The following PTBP2 variants were observed in gnomAD, a reference collection of about 807,000 sequenced individuals.
PTBP2 encodes polypyrimidine tract binding protein 2, also known as polypyrimidine tract-binding protein 2.
A neutral mutation model predicts 61.4 loss-of-function variants in PTBP2; 13 were observed. That is an observed-to-expected ratio of 0.21 (90% CI 0.14 to 0.34). The LOEUF (loss-of-function observed/expected upper bound fraction) is 0.34. Ranked by LOEUF, PTBP2 falls within the 10% of genes least tolerant of loss-of-function variation. PTBP2 has a pLI of 1.00. For missense variants in PTBP2, 405 were observed against 642.6 expected, an observed-to-expected ratio of 0.63 and a Z score of 4.00; for synonymous variants, 215 against 218.5, an observed-to-expected ratio of 0.98 and a Z score of 0.14.
intron 11 of PTBP2, among the ~76,000 whole-genome samples, chr1:96,811,712 G>A (rs1006412753): frequency 2.0e-5 from 3 of 152,108 alleles, no homozygotes; most frequent in Non-Finnish European, 4.4e-5. Context: ...CAACGCGCCC[G>A]GCATCTACTG....
chr1:96,817,069 T>A (rs1662514684), downstream of PTBP2: 1 of 152,204 alleles, frequency 6.6e-6, no homozygotes. Context: ...GATTTAGCTT[T>A]ATATTTTCTG....
chr1:96,741,080 C>A (rs893483507), intron 2 of PTBP2, among the ~76,000 whole-genome samples: 1 of 150,874 alleles, frequency 6.6e-6, no homozygotes, highest in Non-Finnish European at 1.5e-5. Context: ...CTTTGAAAAT[C>A]GGCATTGTTG....
intron 2 of PTBP2, among the ~76,000 whole-genome samples, chr1:96,750,871 A>G (rs897797139): frequency 6.6e-6 from 1 of 152,106 alleles, no homozygotes; most frequent in African/African-American, 2.4e-5. Context: ...CCTTTTCTGT[A>G]AAGAATTTTA....
rs752881027 is a variant in PTBP2, at chr1:96,770,723, G to A, written c.304G>A (p.Ala102Thr). The change falls in exon 5 of 14, where the codon GCA (alanine) becomes ACA (threonine). Residue 102 changes from alanine to threonine, a missense_variant. Ala to Thr is a moderately conservative substitution (Grantham distance 58, BLOSUM62 0). Transcript: ENST00000674951. The stretch of plus-strand genomic sequence containing the variant: ...AAATTTTCAGGCATTTTTGGAACTA[G>A]CAACCGAGGAAGCAGCTATTACTAT... ...KGKNQAFLEL[A>T]TEEAAITMVN... The A allele has an allele frequency of 1.4e-5, 23 of 1,611,046 alleles. No homozygotes were observed. Among genetic ancestry groups the A allele is most frequent in the Non-Finnish European group, 1.8e-5 (21 of 1,178,528 alleles).
chr1:96,750,709 A>T (rs1654435123), intron 2 of PTBP2, among the ~76,000 whole-genome samples: 1 of 152,112 alleles, frequency 6.6e-6, no homozygotes, highest in Non-Finnish European at 1.5e-5. Context: ...CCATGTATGT[A>T]AATATCCATA....
chr1:96,785,008 A>G, intron 7 of PTBP2, 51 bp from the exon 8 acceptor site: 1 of 1,340,670 alleles, frequency 7.5e-7, no homozygotes, highest in East Asian at 2.7e-5. Flanking sequence ...TACTTTCACT[A>G]ATTTTTATTT....
At chr1:96,774,437 A>C (rs1657786653) in intron 5 of PTBP2, among the ~76,000 whole-genome samples, 1 of 152,184 alleles carries the variant, frequency 6.6e-6, no homozygotes, top group Non-Finnish European at 1.5e-5. Context: ...AGCTAATGAT[A>C]ACCTTCCCTC....
At chr1:96,791,446 A>G (rs1199956522) in intron 8 of PTBP2, among the ~76,000 whole-genome samples, 1 of 152,190 alleles carries the variant, frequency 6.6e-6, no homozygotes, top group Non-Finnish European at 1.5e-5. Flanking sequence ...CGCTGCTTCT[A>G]AGTTTTTGGG....
intron 3 of PTBP2, among the ~76,000 whole-genome samples, chr1:96,758,915 A>G (rs914418909): frequency 3.3e-5 from 5 of 152,188 alleles, no homozygotes; most frequent in South Asian, 2.1e-4. Context: ...GAAGGACTCT[A>G]CAACAGATTT....
rs559024127 is a variant in PTBP2 at position 96,761,535 on chromosome 1, G to A, written c.116-8168G>A. ...AAAGATACCAAGGTCCTGAATTTTA[G>A]GGTCTTGGAAGGAGAATGCAGGAAA... On this transcript the variant is annotated intron_variant, in intron 3 of 13. Coordinates refer to ENST00000674951, the MANE Select transcript of PTBP2 (RefSeq NM_021190.4). Among the ~76,000 whole-genome samples the A allele has an allele frequency of 4.7e-3, 444 of 93,802 alleles. 2 individuals are homozygous for A. The highest frequency in any genetic ancestry group is 0.022 in the African/African-American group (432 of 19,266). 61.5% of individuals were successfully genotyped at this position (93,802 alleles called of 152,430 possible).
Position 96,742,505 on chromosome 1 carries a change from AG to A in PTBP2, c.40-8919del, listed in dbSNP as rs1017535515. The stretch of plus-strand genomic sequence containing the variant: ...CCTATTTCTTGATTTGTCTTGTCAC[AG>A]AATTTATTTTACTGGTCTTTTCAAA... On this transcript the variant is annotated intron_variant, in intron 2 of 13. Transcript: ENST00000674951. 8.5e-5 allele frequency among the ~76,000 whole-genome samples: 13 copies of A among 152,230 alleles called. 1 individual carries two copies. The highest frequency in any genetic ancestry group is 3.1e-4 in the African/African-American group (13 of 41,558).
chr1:96,748,304 T>C (rs1300778137), intron 2 of PTBP2, among the ~76,000 whole-genome samples: 1 of 152,192 alleles, frequency 6.6e-6, no homozygotes, highest in African/African-American at 2.4e-5. Flanking sequence ...CTGAAAGTGA[T>C]ACATGGTATT....
intron 13 of PTBP2, 59 bp downstream of exon 13, chr1:96,813,165 G>C: frequency 6.5e-7 from 1 of 1,545,210 alleles, no homozygotes; most frequent in South Asian, 1.2e-5. Context: ...AGTAGTTTTT[G>C]TTCTTTTCGT....
intron 5 of PTBP2, chr1:96,771,218 T>G (rs1379679190): frequency 6.4e-6 from 1 of 155,132 alleles, no homozygotes. Flanking sequence ...TACGGAAAAT[T>G]TTTTTTTGAA....
Position 96,812,811 on chromosome 1 carries a change from A to G in PTBP2, c.1271A>G (p.Asp424Gly). The part of the protein sequence containing the change: ...TVQLPREGLD[D>G]QGLTKDFGNS... ...CAGCTACCTCGAGAGGGACTTGATGATCAAGGGCTAACAAAAGATTTTGGT... is the reference window on the plus strand; with the variant it reads ...CAGCTACCTCGAGAGGGACTTGATGGTCAAGGGCTAACAAAAGATTTTGGT... Residue 424 changes from aspartate to glycine, a missense_variant, in exon 12 of 14, where the codon GAT (aspartate) becomes GGT (glycine). By Grantham distance (94) the Asp-to-Gly change is moderately conservative. Transcript: ENST00000674951. The G allele has an allele frequency of 6.2e-7, 1 of 1,612,754 alleles. No homozygotes were observed. The highest frequency in any genetic ancestry group is 1.1e-5 in the South Asian group (1 of 91,048).
intron 5 of PTBP2, among the ~76,000 whole-genome samples, chr1:96,775,260 A>G (rs1657903002): frequency 6.6e-6 from 1 of 152,238 alleles, no homozygotes; most frequent in African/African-American, 2.4e-5. Flanking sequence ...GCATATAGCT[A>G]TTCTTTGATG....
chr1:96,808,761 A>C (rs1328185761), intron 11 of PTBP2, among the ~76,000 whole-genome samples: 3 of 152,110 alleles, frequency 2.0e-5, no homozygotes, highest in Non-Finnish European at 4.4e-5. Flanking sequence ...CTGTGTGACC[A>C]TAAAAGTATG....
chr1:96,751,387 T>C (rs1431840227), intron 2 of PTBP2, 38 bp from the exon 3 acceptor site: 1 of 1,461,476 alleles, frequency 6.8e-7, no homozygotes, highest in Admixed American at 1.7e-5. Context: ...TTTTTAAATT[T>C]AAAGATGTCT....
chr1:96,737,854 A>G (rs1034823778), intron 2 of PTBP2, among the ~76,000 whole-genome samples: 1 of 152,086 alleles, frequency 6.6e-6, no homozygotes, highest in African/African-American at 2.4e-5. Flanking sequence ...ATTGTTATAT[A>G]TGTTTTCATA....
Sources: gnomAD v4.1 joint callset for allele counts (sites outside exome capture counted in the v4.1 genomes callset) on GRCh38, gnomAD v4.1.1 for gene constraint, MANE v1.5 for transcripts, NCBI Gene and HGNC (gene_info 2026-07-23, HGNC 2026-07-21) for gene names.